PIP4K2B: variants seen among roughly 807,000 people sequenced by gnomAD.
The protein encoded by PIP4K2B is phosphatidylinositol-5-phosphate 4-kinase type 2 beta, also known as phosphatidylinositol 5-phosphate 4-kinase type-2 beta.
A neutral mutation model predicts 42.0 loss-of-function variants in PIP4K2B; 3 were observed. That is an observed-to-expected ratio of 0.07 (90% CI 0.03 to 0.18). The LOEUF is 0.18. Among genes scored for constraint, PIP4K2B ranks in the 10% least tolerant of loss-of-function variants. The probability of loss-of-function intolerance (pLI) is 1.00; values close to 1 mark genes in which losing one functional copy is unlikely to be tolerated. For missense variants in PIP4K2B, 332 were observed against 562.3 expected (o/e 0.59, Z 4.14); for synonymous variants, 204 against 210.1 (o/e 0.97, Z 0.25).
intron 1 of PIP4K2B, among the ~76,000 whole-genome samples, chr17:38,798,450 C>T (rs1403122908): frequency 6.6e-6 from 1 of 152,200 alleles, no homozygotes; most frequent in South Asian, 2.1e-4. Flanking sequence ...CCTAAGGACC[C>T]AGGGGACCTA....
At chr17:38,779,907 C>T in intron 4 of PIP4K2B, 1 of 221,880 alleles carries the variant, frequency 4.5e-6, no homozygotes. Flanking sequence ...AGACAGGATG[C>T]AGAGGCAGGC....
chr17:38,799,387 A>T lies in PIP4K2B; in HGVS notation c.38T>A (p.Val13Glu). Residue 13 changes from valine (V) to glutamate (E), a missense_variant, in exon 1 of 10, where the codon GTG (valine) becomes GAG (glutamate). Transcript: ENST00000619039. The surrounding 1 kb of genome is among the most constrained non-coding windows in gnomAD (Gnocchi z 4.4). The stretch of plus-strand genomic sequence containing the variant: ...GGTCTTGCTGGCGCTGAGCGGCGCC[A>T]CCGCCACCGCCGTGGTGCTGGTGCA... ...SNCTSTTAVA[V>E]APLSASKTKT... 6.2e-7 allele frequency: 1 copy of T among 1,604,162 alleles called. No individual in the cohort carries two copies.
At chr17:38,789,706 C>A (rs951021433) in intron 1 of PIP4K2B, among the ~76,000 whole-genome samples, 1 of 152,080 alleles carries the variant, frequency 6.6e-6, no homozygotes, top group Non-Finnish European at 1.5e-5. Flanking sequence ...CCATATCTTC[C>A]TAGAGTTGGG....
intron 7 of PIP4K2B, 29 bp downstream of exon 7, chr17:38,777,658 T>C: frequency 5.7e-6 from 8 of 1,411,816 alleles, no homozygotes; most frequent in Non-Finnish European, 8.0e-6. Context: ...GAAGGAGCCT[T>C]GCAGGTGAAA....
intron 8 of PIP4K2B, 31 bp downstream of exon 8, chr17:38,770,983 C>T: frequency 6.2e-7 from 1 of 1,612,704 alleles, no homozygotes; most frequent in Non-Finnish European, 8.5e-7. Context: ...GAGGGCAGGG[C>T]TGTGCAGAGC....
chr17:38,777,582 C>G (rs1909434383), intron 7 of PIP4K2B, 105 bp downstream of exon 7: 1 of 786,090 alleles, frequency 1.3e-6, no homozygotes, highest in African/African-American at 1.7e-5. Context: ...ACCCTTTTGT[C>G]CATACTCCTG....
chr17:38,787,816 T>G (rs1031982512), intron 1 of PIP4K2B, among the ~76,000 whole-genome samples: 2 of 152,172 alleles, frequency 1.3e-5, no homozygotes, highest in African/African-American at 2.4e-5. Flanking sequence ...CAGGCTGGTC[T>G]TGAACTCTTG....
At chr17:38,784,453 C>A (rs1909892669) in intron 2 of PIP4K2B, 114 bp from the exon 3 acceptor site, 1 of 615,660 alleles carries the variant, frequency 1.6e-6, no homozygotes, top group East Asian at 2.9e-5. Flanking sequence ...CCAGACTGGT[C>A]TTGAACTCCT....
chr17:38,799,469 A>C lies in PIP4K2B; in HGVS notation c.-45T>G. 1 of 1,515,082 alleles carries C rather than the reference A, an allele frequency of 6.6e-7. No homozygotes were observed. 93.9% of individuals were successfully genotyped at this position (1,515,082 alleles called of 1,614,324 possible). A position where few individuals can be genotyped will look rare whatever the true frequency, so the allele number is the denominator to read the frequency against. On this transcript the variant is annotated 5_prime_UTR_variant, in exon 1 of 10. Transcript: ENST00000619039. The surrounding 1 kb of genome is among the most constrained non-coding windows in gnomAD (Gnocchi z 4.4). ...GCGGCGAAAGAGGGGGGCGGCGGAGACAGCGCACAAGCCAGCGGCCTCAGG... is the reference window on the plus strand; with the variant it reads ...GCGGCGAAAGAGGGGGGCGGCGGAGCCAGCGCACAAGCCAGCGGCCTCAGG...
In PIP4K2B at chr17:38,784,304, T is replaced by C; in HGVS notation, c.293A>G (p.Tyr98Cys). Residue 98 changes from tyrosine (Y) to cysteine (C), a missense_variant, in exon 3 of 10, where the codon TAT becomes TGT. By Grantham distance (194) the Tyr-to-Cys change is radical. Coordinates refer to ENST00000619039, the MANE Select transcript of PIP4K2B (RefSeq NM_003559.5). ...AAGGTTTCGGAACACCATGGGGCAA[T>C]ACTCCTTAAACTTAAAGCGGCTGGG... is the stretch of plus-strand genomic sequence containing the variant. The part of the protein sequence containing the change: ...NLPSRFKFKE[Y>C]CPMVFRNLRE... 6.2e-7 allele frequency: 1 copy of C among 1,613,856 alleles called. No homozygotes were observed. Among genetic ancestry groups the C allele is most frequent in the Non-Finnish European group, 8.5e-7 (1 of 1,179,748 alleles).
Position 38,766,240 on chromosome 17 carries a change from GCCC to G in PIP4K2B, c.*3448_*3450del, listed in dbSNP as rs1908697209. 6.6e-6 allele frequency: 1 copy of G among 152,358 alleles called. No homozygotes were observed. The highest frequency in any genetic ancestry group is 2.4e-5 in the African/African-American group (1 of 41,442). 9.4% of individuals were successfully genotyped at this position (152,358 alleles called of 1,614,324 possible). ...TGGGTTTTCCCTTTCAGGACCTCCT[GCCC>G]GCATGACTGCCAGGAAGAGATGAGG... On this transcript the variant is annotated 3_prime_UTR_variant, in exon 10 of 10. Transcript: ENST00000619039.
At chr17:38,776,109 T>C in intron 7 of PIP4K2B, 1 of 424,766 alleles carries the variant, frequency 2.4e-6, no homozygotes, top group South Asian at 1.7e-5. Context: ...TAGCTGGGAT[T>C]ACAGGCGTGC....
intron 1 of PIP4K2B, among the ~76,000 whole-genome samples, chr17:38,789,801 T>TGAGAGGG (rs1356569520): frequency 6.6e-6 from 1 of 152,084 alleles, no homozygotes; most frequent in Non-Finnish European, 1.5e-5. Context: ...CAGGGTAGTT[T>TGAGAGGG]ATAAGTTGGC....
chr17:38,770,610 C>T, intron 8 of PIP4K2B, 71 bp from the exon 9 acceptor site: 1 of 838,860 alleles, frequency 1.2e-6, no homozygotes, highest in Admixed American at 1.8e-5. Flanking sequence ...CTGGGCACTG[C>T]TACAACCCCC....
chr17:38,796,739 A>G (rs1028332058), intron 1 of PIP4K2B, among the ~76,000 whole-genome samples: 2 of 152,220 alleles, frequency 1.3e-5, no homozygotes, highest in African/African-American at 4.8e-5. Context: ...AGACATATCC[A>G]TCCTTCCTAT....
In PIP4K2B at chr17:38,799,374, G is replaced by C; in HGVS notation, c.51C>G (p.Ser17Arg). Reference sequence around the variant, plus strand: ...TCTTCTTGGTCTTGGTCTTGCTGGCGCTGAGCGGCGCCACCGCCACCGCCG... The same window carrying C: ...TCTTCTTGGTCTTGGTCTTGCTGGCCCTGAGCGGCGCCACCGCCACCGCCG... The part of the protein sequence containing the change: ...STTAVAVAPL[S>R]ASKTKTKKKH... The change falls in exon 1 of 10, where the codon AGC (serine) becomes AGG (arginine). Residue 17 changes from serine (S) to arginine (R), a missense_variant. Ser to Arg is a moderately radical substitution (Grantham distance 110). This residue lies in a region of PIP4K2B where 186 missense variants were observed against 288.4 expected (regional missense o/e 0.64). Coordinates refer to ENST00000619039, the MANE Select transcript of PIP4K2B (RefSeq NM_003559.5). The surrounding 1 kb of genome is among the most constrained non-coding windows in gnomAD (Gnocchi z 4.4). 1 of 1,607,540 alleles carries C rather than the reference G, an allele frequency of 6.2e-7. No homozygotes were observed.
rs1011153359 is a variant in PIP4K2B at position 38,774,640 on chromosome 17, G to A, written c.807+3047C>T. 3.9e-5 allele frequency among the ~76,000 whole-genome samples: 6 copies of A among 151,960 alleles called. No homozygotes were observed. In the East Asian group the frequency reaches 1.2e-3, roughly 30 times the overall value. ...AAAAAACTAGCTGGGCATGGTGGTG[G>A]GCGCCTGTAGTCCCAGCTACTCGGG... On this transcript the variant is annotated intron_variant, in intron 7 of 9. Transcript: ENST00000619039.
intron 3 of PIP4K2B, among the ~76,000 whole-genome samples, chr17:38,783,605 C>CT (rs201633459): frequency 2.4e-4 from 36 of 148,246 alleles, no homozygotes; most frequent in Non-Finnish European, 2.8e-4. Context: ...TTCTCTCTCT[C>CT]TTTTTTTTTT....
chr17:38,777,300 A>G (rs531746862), intron 7 of PIP4K2B, among the ~76,000 whole-genome samples: 36 of 152,250 alleles, frequency 2.4e-4, no homozygotes, highest in Non-Finnish European at 4.4e-4. Flanking sequence ...GCTGAGCTCA[A>G]GCGATCCTCC....
Sources: gnomAD v4.1 joint callset for allele counts (sites outside exome capture counted in the v4.1 genomes callset) on GRCh38, gnomAD v4.1.1 for gene constraint, gnomAD v4.1.1 regional missense constraint, Gnocchi (gnomAD v3.1) non-coding constraint, MANE v1.5 for transcripts, NCBI Gene and HGNC (gene_info 2026-07-23, HGNC 2026-07-21) for gene names.